The following OR9Q1 variants were observed in gnomAD, a reference collection of about 807,000 sequenced individuals.
The protein encoded by OR9Q1 is olfactory receptor 9Q1.
For synonymous variants in OR9Q1, 153 were observed against 148.6 expected, an observed-to-expected ratio of 1.03 and a Z score of -0.22; for missense variants, 374 against 378.8, an observed-to-expected ratio of 0.99 and a Z score of 0.11.
At chr11:58,155,330 T>A (rs537930983) in intron 2 of OR9Q1, among the ~76,000 whole-genome samples, 1 of 151,936 alleles carries the variant, frequency 6.6e-6, no homozygotes, top group Admixed American at 6.6e-5. Context: ...CAGAAAAAAA[T>A]ACCTTGACGG....
chr11:58,168,837 ACT>A (rs1286112500), intron 2 of OR9Q1, among the ~76,000 whole-genome samples: 1 of 152,020 alleles, frequency 6.6e-6, no homozygotes, highest in Admixed American at 6.6e-5. Context: ...GTCCCCCTTA[ACT>A]GTTGTTGCTA....
chr11:58,053,145 C>G (rs1229190897), intron 1 of OR9Q1, among the ~76,000 whole-genome samples: 30 of 151,800 alleles, frequency 2.0e-4, no homozygotes, highest in Non-Finnish European at 3.7e-4. Flanking sequence ...AAGACACATG[C>G]ACACGTATGC....
chr11:58,133,859 A>G (rs978954662), intron 2 of OR9Q1, among the ~76,000 whole-genome samples: 1 of 152,062 alleles, frequency 6.6e-6, no homozygotes, highest in African/African-American at 2.4e-5. Context: ...TGGATGAGTA[A>G]TTTCCCCATT....
chr11:58,084,630 G>T (rs1264805113), intron 2 of OR9Q1, among the ~76,000 whole-genome samples: 1 of 151,858 alleles, frequency 6.6e-6, no homozygotes, highest in African/African-American at 2.4e-5. Flanking sequence ...TGCAAGGCTG[G>T]TTCAACATAC....
chr11:58,122,615 G>T (rs1438884291), intron 2 of OR9Q1, among the ~76,000 whole-genome samples: 2 of 152,078 alleles, frequency 1.3e-5, no homozygotes, highest in African/African-American at 4.8e-5. Flanking sequence ...ATAATATTTT[G>T]GGGCCTTAGG....
intron 1 of OR9Q1, among the ~76,000 whole-genome samples, chr11:58,025,156 C>G (rs940743571): frequency 6.6e-6 from 1 of 152,142 alleles, no homozygotes; most frequent in Non-Finnish European, 1.5e-5. Flanking sequence ...CAGAATCTAG[C>G]CCATGGGAGG....
At position 58,118,556 on chromosome 11, in the gene OR9Q1, C is replaced by T. The variant is rs372541402; in HGVS notation, c.-14-60875C>T. 7.4e-6 allele frequency: 12 copies of T among 1,613,526 alleles called. No homozygotes were observed. In the East Asian group the frequency reaches 8.9e-5, roughly 12 times the overall value. On this transcript the variant is annotated intron_variant, in intron 2 of 2. Transcript: ENST00000335397. ...GCGACCTTTCTGAAGGCGTCTTTTA[C>T]ATCTTTGTTTCTTAAGCTGTAGATC...
At chr11:58,115,627 T>C (rs1423317641) in intron 2 of OR9Q1, among the ~76,000 whole-genome samples, 2 of 152,134 alleles carry the variant, frequency 1.3e-5, no homozygotes, top group Non-Finnish European at 2.9e-5. Flanking sequence ...AATCCCACTA[T>C]GTTGTTGCCA....
intron 1 of OR9Q1, among the ~76,000 whole-genome samples, chr11:58,054,069 A>G (rs1421863229): frequency 2.0e-5 from 3 of 152,228 alleles, no homozygotes; most frequent in African/African-American, 7.2e-5. Context: ...TACACAATGT[A>G]TATGCCTATC....
At chr11:58,091,969 CTT>C (rs201459900) in intron 2 of OR9Q1, among the ~76,000 whole-genome samples, 5 of 141,478 alleles carry the variant, frequency 3.5e-5, no homozygotes. Flanking sequence ...CAACCCTTGC[CTT>C]TTTTTTTTTG....
rs966444286 is a variant in OR9Q1 at position 58,180,235 on chromosome 11, A to T, written c.791A>T (p.Asp264Val). ...TTCATGTACTTGAGAGGTAACTCAG[A>T]TCAGTCTTCGGAGAAGAATCGGGTA... ...LIFMYLRGNS[D>V]QSSEKNRVVS... The change falls in exon 3 of 3, where the codon GAT (aspartate) becomes GTT (valine). Residue 264 changes from aspartate to valine, a missense_variant. Coordinates refer to ENST00000335397, the MANE Select transcript of OR9Q1 (RefSeq NM_001005212.4). 4 of 1,614,104 alleles carry T rather than the reference A, an allele frequency of 2.5e-6. No individual in the cohort carries two copies. The Admixed American group carries it at 6.7e-5, about 27-fold the overall frequency.
At chr11:58,153,190 C>G (rs1203192708) in intron 2 of OR9Q1, among the ~76,000 whole-genome samples, 1 of 152,114 alleles carries the variant, frequency 6.6e-6, no homozygotes, top group Non-Finnish European at 1.5e-5. Flanking sequence ...GTGAAGGAAA[C>G]AGAAACCAAA....
chr11:58,102,722 A>T (rs1045910774), intron 2 of OR9Q1, among the ~76,000 whole-genome samples: 1 of 152,006 alleles, frequency 6.6e-6, no homozygotes, highest in Admixed American at 6.6e-5. Flanking sequence ...TTAAAGTTTC[A>T]CTAAAATGTG....
chr11:58,062,335 C>T (rs1590565493), intron 2 of OR9Q1, among the ~76,000 whole-genome samples: 1 of 152,158 alleles, frequency 6.6e-6, no homozygotes, highest in Admixed American at 6.6e-5. Context: ...CGGAAACACC[C>T]ACGTAGGTTG....
At position 58,064,093 on chromosome 11, in the gene OR9Q1, T is replaced by C. The variant is rs532713873; in HGVS notation, c.-15+8146T>C. Among the ~76,000 whole-genome samples, 4 of 152,306 alleles carry C rather than the reference T, an allele frequency of 2.6e-5. No homozygotes were observed. In the East Asian group the frequency reaches 7.7e-4, roughly 29 times the overall value. On this transcript the variant is annotated intron_variant, in intron 2 of 2. Transcript: ENST00000335397. ...GTTTAAGACATCGATAGGACAATTA[T>C]GGGAGTTTAGCCTAAGTTTGCCAAA... is the stretch of plus-strand genomic sequence containing the variant.
intron 2 of OR9Q1, among the ~76,000 whole-genome samples, chr11:58,074,325 A>G (rs186748409): frequency 5.9e-5 from 9 of 152,220 alleles, no homozygotes; most frequent in South Asian, 2.1e-4. Context: ...ATGGTATCTC[A>G]TTGTGGTTTT....
rs557915595 is a variant in OR9Q1 at position 58,088,185 on chromosome 11, G to T, written c.-15+32238G>T. On this transcript the variant is annotated intron_variant, in intron 2 of 2. Coordinates refer to ENST00000335397, the MANE Select transcript of OR9Q1 (RefSeq NM_001005212.4). ...TTGATGGCTGCATAGTATTCCATGGGGTATATGTGCCACATTTTCTTAATG... is the reference window on the plus strand; with the variant it reads ...TTGATGGCTGCATAGTATTCCATGGTGTATATGTGCCACATTTTCTTAATG... 2.6e-5 allele frequency among the ~76,000 whole-genome samples: 4 copies of T among 151,898 alleles called. No homozygotes were observed. In the South Asian group the frequency reaches 6.2e-4, roughly 24 times the overall value.
At chr11:58,167,583 A>G (rs1288967994) in intron 2 of OR9Q1, among the ~76,000 whole-genome samples, 2 of 152,176 alleles carry the variant, frequency 1.3e-5, no homozygotes, top group Non-Finnish European at 2.9e-5. Context: ...TCTATGGGTC[A>G]ACTGACTATA....
At chr11:58,168,992 T>G (rs1854530662) in intron 2 of OR9Q1, among the ~76,000 whole-genome samples, 1 of 152,210 alleles carries the variant, frequency 6.6e-6, no homozygotes, top group Non-Finnish European at 1.5e-5. Flanking sequence ...TTTTTAGCCT[T>G]TATTAATTTC....
Sources: allele counts gnomAD v4.1 joint callset (sites outside exome capture counted in the v4.1 genomes callset), GRCh38; gene constraint gnomAD v4.1.1; transcripts MANE v1.5; gene names NCBI Gene and HGNC (gene_info 2026-07-23, HGNC 2026-07-21).